Variants in OPCML observed in about 807,000 individuals in gnomAD.
OPCML encodes opioid-binding protein/cell adhesion molecule.
In OPCML, 13 loss-of-function variants were observed where a neutral mutation model predicts 37.8. The observed-to-expected ratio is 0.34, with a 90% CI of 0.22 to 0.55. The LOEUF (loss-of-function observed/expected upper bound fraction) is 0.55. OPCML is among the 20% of genes least tolerant of loss of function. The pLI is 0.91. For missense variants in OPCML, 341 were observed against 435.6 expected, an observed-to-expected ratio of 0.78 and a Z score of 1.93; for synonymous variants, 176 against 168.8, an observed-to-expected ratio of 1.04 and a Z score of -0.33.
At position 133,141,057 on chromosome 11, in the gene OPCML, A is replaced by C. The variant is rs866171908; in HGVS notation, c.62-198047T>G. ...ACGACGACGACGACGACGAAGAAGA[A>C]GAAGAAGAAGAAGAAGAAGAAGAAG... On this transcript the variant is annotated intron_variant, in intron 1 of 7. Coordinates refer to ENST00000524381, the MANE Select transcript of OPCML (RefSeq NM_001012393.5). 1.2e-3 allele frequency among the ~76,000 whole-genome samples: 89 copies of C among 75,204 alleles called. 15 individuals are homozygous for C. Among genetic ancestry groups the C allele is most frequent in the Middle Eastern group, 0.013 (2 of 160 alleles). The allele number at this position is 75,204 out of a possible 152,430, so 49.3% of individuals were successfully genotyped here.
At chr11:132,879,562 G>T (rs1943147971) in intron 2 of OPCML, among the ~76,000 whole-genome samples, 1 of 152,218 alleles carries the variant, frequency 6.6e-6, no homozygotes, top group Non-Finnish European at 1.5e-5. Context: ...TACTGGGAAA[G>T]TGAGCTTCTC....
chr11:133,147,192 G>A (rs984535036), intron 1 of OPCML, among the ~76,000 whole-genome samples: 2 of 152,092 alleles, frequency 1.3e-5, no homozygotes, highest in Admixed American at 6.5e-5. Flanking sequence ...CTGATAGGCA[G>A]TGCCACTTTC....
intron 1 of OPCML, among the ~76,000 whole-genome samples, chr11:133,216,730 A>T (rs554105): frequency 0.078 from 11,950 of 152,270 alleles, 516 homozygotes; most frequent in Non-Finnish European, 0.1. Context: ...AAATGCAAAG[A>T]CTATGGCTTA....
At chr11:133,029,176 A>G (rs148353700) in intron 1 of OPCML, among the ~76,000 whole-genome samples, 1,784 of 152,164 alleles carry the variant, frequency 0.012, 31 homozygotes, top group African/African-American at 0.039. Context: ...GCCATCTCAC[A>G]CCAGTCAGAA....
chr11:133,014,849 C>A (rs955685964), intron 1 of OPCML, among the ~76,000 whole-genome samples: 1 of 152,358 alleles, frequency 6.6e-6, no homozygotes, highest in Non-Finnish European at 1.5e-5. Context: ...CTCCAACCCA[C>A]ATCTACTGTC....
intron 1 of OPCML, among the ~76,000 whole-genome samples, chr11:132,977,029 TC>T (rs1241756523): frequency 6.6e-6 from 1 of 152,200 alleles, no homozygotes. Context: ...TTTCCTCTGC[TC>T]CCTGCCTGCA....
At chr11:133,501,705 C>T (rs1465664086) in intron 1 of OPCML, among the ~76,000 whole-genome samples, 1 of 150,980 alleles carries the variant, frequency 6.6e-6, no homozygotes, top group Non-Finnish European at 1.5e-5. Context: ...GCAGGGGCTT[C>T]AAACGACCTG....
chr11:133,519,937 C>T (rs1948364483), intron 1 of OPCML, among the ~76,000 whole-genome samples: 1 of 152,214 alleles, frequency 6.6e-6, no homozygotes, highest in South Asian at 2.1e-4. Flanking sequence ...GGGTGCTGAG[C>T]AGCTCACAAC....
At chr11:132,597,915 G>A (rs1346005505) in intron 3 of OPCML, among the ~76,000 whole-genome samples, 1 of 151,890 alleles carries the variant, frequency 6.6e-6, no homozygotes, top group Non-Finnish European at 1.5e-5. Context: ...CACATTTGAC[G>A]TGAATTTTCC....
intron 1 of OPCML, among the ~76,000 whole-genome samples, chr11:133,520,457 C>T (rs1855515081): frequency 6.6e-6 from 1 of 152,078 alleles, no homozygotes; most frequent in African/African-American, 2.4e-5. Flanking sequence ...TCATTCTGGA[C>T]TTAGCCCAGC....
chr11:132,837,595 A>G (rs1166604728), intron 2 of OPCML, among the ~76,000 whole-genome samples: 2 of 152,230 alleles, frequency 1.3e-5, no homozygotes, highest in Non-Finnish European at 2.9e-5. Flanking sequence ...CCAGAGAAAG[A>G]AAAAGCATGG....
At chr11:133,438,759 G>C (rs1170901596) in intron 1 of OPCML, among the ~76,000 whole-genome samples, 1 of 152,136 alleles carries the variant, frequency 6.6e-6, no homozygotes, top group Non-Finnish European at 1.5e-5. Flanking sequence ...CCCCATCCCT[G>C]ACCTCTGGGG....
intron 1 of OPCML, among the ~76,000 whole-genome samples, chr11:133,327,085 GGTATGTGGTGGTGTGT>G (rs1943489370): frequency 7.0e-6 from 1 of 142,334 alleles, no homozygotes; most frequent in South Asian, 2.4e-4. Flanking sequence ...CACGAGATGG[GGTATGTGGTGGTGTGT>G]GTATGTGGGG....
intron 2 of OPCML, among the ~76,000 whole-genome samples, chr11:132,715,784 A>G (rs1457503581): frequency 6.6e-6 from 1 of 152,172 alleles, no homozygotes; most frequent in Non-Finnish European, 1.5e-5. Context: ...TGTCCGTGGC[A>G]GTTCATTATA....
Position 132,568,043 on chromosome 11 carries a change from C to T in OPCML, c.380-38857G>A, listed in dbSNP as rs200923260. Among the ~76,000 whole-genome samples the T allele has an allele frequency of 7.2e-3, 826 of 115,446 alleles. 2 individuals carry two copies. Among genetic ancestry groups the T allele is most frequent in the Middle Eastern group, 0.013 (3 of 228 alleles). 75.7% of individuals were successfully genotyped at this position (115,446 alleles called of 152,430 possible). A position where few individuals can be genotyped will look rare whatever the true frequency, so the allele number is the denominator to read the frequency against. ...ATAGATCTGTGTGTGTGTGTGTGTG[C>T]GCGCGCGCGCGTGTGTGTGTGTGTG... is the stretch of plus-strand genomic sequence containing the variant. On this transcript the variant is annotated intron_variant, in intron 3 of 7. Transcript: ENST00000524381.
intron 2 of OPCML, among the ~76,000 whole-genome samples, chr11:132,785,405 A>G (rs1947175231): frequency 6.6e-6 from 1 of 152,196 alleles, no homozygotes; most frequent in South Asian, 2.1e-4. Context: ...CAAGCATTTT[A>G]CCCTTATGAA....
At chr11:133,200,240 G>A (rs1411823148) in intron 1 of OPCML, among the ~76,000 whole-genome samples, 3 of 152,116 alleles carry the variant, frequency 2.0e-5, no homozygotes, top group Non-Finnish European at 4.4e-5. Flanking sequence ...ACACCGTCCT[G>A]TGCATGTCAC....
chr11:133,381,758 A>G (rs1207731855), intron 1 of OPCML, among the ~76,000 whole-genome samples: 1 of 152,246 alleles, frequency 6.6e-6, no homozygotes, highest in African/African-American at 2.4e-5. Context: ...TGGCTGAGTC[A>G]GGATTTGTTC....
chr11:133,503,531 C>A (rs576640339), intron 1 of OPCML, among the ~76,000 whole-genome samples: 22 of 152,214 alleles, frequency 1.4e-4, no homozygotes, highest in African/African-American at 5.3e-4. Context: ...ACTGGCAACA[C>A]CTTATTAAAA....
Sources: gnomAD v4.1 joint callset for allele counts (sites outside exome capture counted in the v4.1 genomes callset) on GRCh38, gnomAD v4.1.1 for gene constraint, MANE v1.5 for transcripts, NCBI Gene and HGNC (gene_info 2026-07-23, HGNC 2026-07-21) for gene names.